The following KCNH3 variants were observed in gnomAD, a reference collection of about 807,000 sequenced individuals.
The protein encoded by KCNH3 is voltage-gated inwardly rectifying potassium channel KCNH3.
Under a neutral mutation model 95.6 loss-of-function variants are expected in KCNH3, and 36 were observed. That is an observed-to-expected ratio of 0.38 (90% CI 0.29 to 0.50). The LOEUF (loss-of-function observed/expected upper bound fraction) is 0.50, where lower values mean the gene tolerates loss of function less well. Among genes scored for constraint, KCNH3 ranks in the 20% least tolerant of loss-of-function variants. The pLI is 0.95. For missense variants in KCNH3, 1,030 were observed against 1,484.1 expected (o/e 0.69, Z 5.03); for synonymous variants, 620 against 646.3 (o/e 0.96, Z 0.62).
chr12:49,558,120 G>A lies in KCNH3; in HGVS notation c.*167G>A. ...GGACCTGGCTCCTGACTCTCAGAGA[G>A]GATAGGCTGGATCCCTGGGGCAGGC... On this transcript the variant is annotated 3_prime_UTR_variant, in exon 15 of 15. Coordinates refer to ENST00000257981, the MANE Select transcript of KCNH3 (RefSeq NM_012284.3). 1.5e-6 allele frequency: 1 copy of A among 673,588 alleles called. No homozygotes were observed. The highest frequency in any genetic ancestry group is 2.2e-6 in the Non-Finnish European group (1 of 460,360). The allele number at this position is 673,588 out of a possible 1,614,324, so 41.7% of individuals were successfully genotyped here.
rs1937788248 is a variant in KCNH3, at chr12:49,539,360, C to G, written c.-57C>G. The G allele has an allele frequency of 8.3e-7, 1 of 1,208,040 alleles. No homozygotes were observed. Among genetic ancestry groups the G allele is most frequent in the Non-Finnish European group, 1.1e-6 (1 of 934,776 alleles). 74.8% of individuals were successfully genotyped at this position (1,208,040 alleles called of 1,614,324 possible). A position where few individuals can be genotyped will look rare whatever the true frequency, so the allele number is the denominator to read the frequency against. On this transcript the variant is annotated 5_prime_UTR_variant, in exon 1 of 15. Transcript: ENST00000257981. This position sits in a 1 kb window ranked among gnomAD's most constrained non-coding sequence, Gnocchi z 6.7. ...GGGCGGCCGAGCTGGGCGCCCTCCC[C>G]CGGCGCGGAGTCCCCGCACCCCGGA...
rs1248896929 is a variant in KCNH3, at chr12:49,539,797, C to T, written c.76+305C>T. Among the ~76,000 whole-genome samples, 1 of 152,216 alleles carries T rather than the reference C, an allele frequency of 6.6e-6. No individual in the cohort carries two copies. The highest frequency in any genetic ancestry group is 2.4e-5 in the African/African-American group (1 of 41,466). On this transcript the variant is annotated intron_variant, in intron 1 of 14. Transcript: ENST00000257981. This position sits in a 1 kb window ranked among gnomAD's most constrained non-coding sequence, Gnocchi z 6.7. ...ACCTAGTCAGTCTGACCCATCCCAC[C>T]CCTGCGTCTGGCGCTGTCGCAGCAA...
chr12:49,554,607 T>G (rs1274818006), intron 11 of KCNH3, 53 bp downstream of exon 11: 4 of 1,493,310 alleles, frequency 2.7e-6, no homozygotes, highest in Non-Finnish European at 3.7e-6. Context: ...GGGAGCCTGG[T>G]GAAGTGGGCA....
In KCNH3 at chr12:49,549,190, G is replaced by A. The variant is rs935865252; in HGVS notation, c.1468+17G>A. 25 of 1,565,948 alleles carry A rather than the reference G, an allele frequency of 1.6e-5. No homozygotes were observed. The highest frequency in any genetic ancestry group is 2.1e-5 in the Non-Finnish European group (24 of 1,154,226). ...TCATCGGCGGTGAGCCCGGCCGCGC[G>A]CGTCTTCCCGGGGCCACTCCCAGAC... is the stretch of plus-strand genomic sequence containing the variant. On this transcript the variant is annotated intron_variant, in intron 8 of 14. Transcript: ENST00000257981.
chr12:49,553,321 G>A (rs942082873), intron 10 of KCNH3, among the ~76,000 whole-genome samples: 2 of 152,050 alleles, frequency 1.3e-5, no homozygotes, highest in African/African-American at 4.8e-5. Flanking sequence ...TGCTGTTGTT[G>A]TTGTTGTTTG....
chr12:49,548,133 T>TGTGTGTGTGTGTGTGTGTGC (rs1380200472), intron 7 of KCNH3, among the ~76,000 whole-genome samples: 1 of 146,330 alleles, frequency 6.8e-6, no homozygotes, highest in Non-Finnish European at 1.5e-5. Flanking sequence ...TGTGTGTGTG[T>TGTGTGTGTGTGTGTGTGTGC]GCGCGCGCAC....
At chr12:49,549,271 T>C in intron 8 of KCNH3, 98 bp downstream of exon 8, 1 of 1,482,492 alleles carries the variant, frequency 6.7e-7, no homozygotes. Flanking sequence ...CCGGGGGCTC[T>C]TCCGCTTTAG....
chr12:49,542,989 C>T (rs1937927311), intron 4 of KCNH3, 150 bp downstream of exon 4: 2 of 1,115,566 alleles, frequency 1.8e-6, no homozygotes, highest in South Asian at 1.6e-5. Context: ...GGGAAGATCA[C>T]ATGCCTGATC....
chr12:49,556,543 G>T (rs1253323968), intron 13 of KCNH3, 67 bp downstream of exon 13: 1 of 1,110,296 alleles, frequency 9.0e-7, no homozygotes, highest in Non-Finnish European at 1.4e-6. Context: ...CTCAAGCACT[G>T]TTGACCTCTG....
rs946215058 is a variant in KCNH3, at chr12:49,539,803, G to A, written c.76+311G>A. 2.0e-5 allele frequency among the ~76,000 whole-genome samples: 3 copies of A among 152,192 alleles called. No individual in the cohort carries two copies. Among genetic ancestry groups the A allele is most frequent in the Admixed American group, 2.0e-4 (3 of 15,274 alleles). On this transcript the variant is annotated intron_variant, in intron 1 of 14. Transcript: ENST00000257981. This position sits in a 1 kb window ranked among gnomAD's most constrained non-coding sequence, Gnocchi z 6.7. ...TCAGTCTGACCCATCCCACCCCTGC[G>A]TCTGGCGCTGTCGCAGCAACTACCC... is the stretch of plus-strand genomic sequence containing the variant.
chr12:49,549,565 C>G lies in KCNH3; in HGVS notation c.1593C>G (p.Pro531=). The part of the protein sequence containing the change: ...LRDYIRIHRI[P]KPLKQRMLEY... ...ACTACATCCGCATCCACCGTATCCC[C>G]AAGCCCCTCAAGCAGCGCATGCTGG... is the stretch of plus-strand genomic sequence containing the variant. Residue 531 remains proline (P), a synonymous_variant, in exon 9 of 15, where the codon CCC becomes CCG. Transcript: ENST00000257981. The G allele has an allele frequency of 1.2e-6, 2 of 1,613,412 alleles. No homozygotes were observed. The highest frequency in any genetic ancestry group is 1.7e-6 in the Non-Finnish European group (2 of 1,180,042).
rs1441560749 is a variant in KCNH3 at position 49,539,342 on chromosome 12, C to G, written c.-75C>G. 3.1e-6 allele frequency: 3 copies of G among 955,976 alleles called. No individual in the cohort carries two copies. Among genetic ancestry groups the G allele is most frequent in the East Asian group, 7.0e-5 (2 of 28,740 alleles). 59.2% of individuals were successfully genotyped at this position (955,976 alleles called of 1,614,324 possible). On this transcript the variant is annotated 5_prime_UTR_variant, in exon 1 of 15. Transcript: ENST00000257981. This position sits in a 1 kb window ranked among gnomAD's most constrained non-coding sequence, Gnocchi z 6.7. ...AGCGCGGGGCCCGGCGGGGGGCGGCCGAGCTGGGCGCCCTCCCCCGGCGCG... is the reference window on the plus strand; with the variant it reads ...AGCGCGGGGCCCGGCGGGGGGCGGCGGAGCTGGGCGCCCTCCCCCGGCGCG...
intron 10 of KCNH3, among the ~76,000 whole-genome samples, chr12:49,552,158 T>C (rs368707110): frequency 6.6e-6 from 1 of 152,196 alleles, no homozygotes; most frequent in African/African-American, 2.4e-5. Flanking sequence ...TGTAGACTGG[T>C]GAACCCAAAG....
intron 10 of KCNH3, among the ~76,000 whole-genome samples, chr12:49,551,242 C>T (rs1739326488): frequency 6.6e-6 from 1 of 152,118 alleles, no homozygotes; most frequent in Non-Finnish European, 1.5e-5. Flanking sequence ...GTTGGGAGCA[C>T]ATTCTAACTC....
intron 12 of KCNH3, 189 bp downstream of exon 12, chr12:49,556,140 G>A: frequency 1.7e-6 from 1 of 596,310 alleles, no homozygotes; most frequent in South Asian, 2.0e-5. Flanking sequence ...ACTGTGTGGT[G>A]TGTGGCACAC....
chr12:49,549,730 G>A, intron 9 of KCNH3, 90 bp downstream of exon 9: 3 of 1,307,806 alleles, frequency 2.3e-6, no homozygotes, highest in Non-Finnish European at 3.2e-6. Flanking sequence ...GAGGATGAAT[G>A]CAGAATTTTG....
At chr12:49,549,360 G>T in intron 8 of KCNH3, 81 bp from the exon 9 acceptor site, 2 of 1,541,572 alleles carry the variant, frequency 1.3e-6, no homozygotes, top group South Asian at 1.1e-5. Context: ...AGGAGCGTGC[G>T]GGCCGAGGAC....
At chr12:49,541,222 GCCATCTTCTCCATCTCCCCATGTCATC>G in intron 2 of KCNH3, 90 bp downstream of exon 2, 1 of 954,172 alleles carries the variant, frequency 1.0e-6, no homozygotes, top group African/African-American at 1.6e-5. Flanking sequence ...CCTTTCTGTT[GCCATCTTCTCCATCTCCCCATGTCATC>G]CCATCTTCCC....
At chr12:49,551,421 C>T (rs184217909) in intron 10 of KCNH3, among the ~76,000 whole-genome samples, 102 of 151,836 alleles carry the variant, frequency 6.7e-4, no homozygotes, top group African/African-American at 2.3e-3. Flanking sequence ...ACTAAAAATA[C>T]AAAAATTAGC....
Sources: allele counts gnomAD v4.1 joint callset (sites outside exome capture counted in the v4.1 genomes callset), GRCh38; gene constraint gnomAD v4.1.1; non-coding constraint Gnocchi (gnomAD v3.1); transcripts MANE v1.5; gene names NCBI Gene and HGNC (gene_info 2026-07-23, HGNC 2026-07-21).